IFT52: variants seen among roughly 807,000 people sequenced by gnomAD.
The protein encoded by IFT52 is intraflagellar transport 52.
IFT52 carries 44 observed loss-of-function variants against 54.4 expected under a neutral mutation model. The ratio of observed to expected loss-of-function variants is 0.81; its 90% CI spans 0.63 to 1.04. The LOEUF is 1.04. Among genes scored for constraint, IFT52 ranks in the 50% least tolerant of loss-of-function variants. The pLI is 0.00. For missense variants in IFT52, 452 were observed against 523.6 expected (o/e 0.86, Z 1.33); for synonymous variants, 181 against 185.3 (o/e 0.98, Z 0.19).
intron 13 of IFT52, among the ~76,000 whole-genome samples, chr20:43,646,705 CTGTT>C (rs758058541): frequency 2.0e-5 from 3 of 152,102 alleles, no homozygotes; most frequent in Admixed American, 6.6e-5. Context: ...GCTTTCAACT[CTGTT>C]TGTTACTCAT....
intron 12 of IFT52, among the ~76,000 whole-genome samples, chr20:43,637,737 TC>T (rs1295400497): frequency 6.6e-6 from 1 of 152,158 alleles, no homozygotes; most frequent in Non-Finnish European, 1.5e-5. Flanking sequence ...GTTGTTCTTC[TC>T]GAGGCTATTT....
intron 5 of IFT52, 28 bp downstream of exon 5, chr20:43,604,286 T>C: frequency 6.5e-7 from 1 of 1,527,716 alleles, no homozygotes; most frequent in Non-Finnish European, 9.1e-7. Flanking sequence ...AGAAATATCT[T>C]GGCAAGGCAT....
At position 43,646,934 on chromosome 20, in the gene IFT52, A is replaced by G. The variant is rs373679716; in HGVS notation, c.1267-2A>G. On this transcript the variant is annotated splice_acceptor_variant, in intron 13 of 13. Transcript: ENST00000373030. LOFTEE classifies it high-confidence loss of function. ...AATTCTGTGTCTTATTCTCTCATCCAGGAACATGACATCGATACAAGTGAA... is the reference window on the plus strand; with the variant it reads ...AATTCTGTGTCTTATTCTCTCATCCGGGAACATGACATCGATACAAGTGAA... The G allele has an allele frequency of 7.4e-6, 12 of 1,612,658 alleles. No homozygotes were observed. In the African/African-American group the frequency reaches 1.2e-4, roughly 16 times the overall value.
chr20:43,635,459 G>T (rs1396139791), intron 10 of IFT52, among the ~76,000 whole-genome samples: 1 of 152,012 alleles, frequency 6.6e-6, no homozygotes, highest in Non-Finnish European at 1.5e-5. Flanking sequence ...ACCACACCCG[G>T]CTAATTTTTG....
At chr20:43,603,689 G>A in intron 3 of IFT52, 71 bp from the exon 4 acceptor site, 1 of 1,347,130 alleles carries the variant, frequency 7.4e-7, no homozygotes, top group Non-Finnish European at 1.0e-6. Context: ...ATCTAGTTAA[G>A]GTCTTATTCA....
chr20:43,616,797 G>A (rs1015344325), intron 7 of IFT52, among the ~76,000 whole-genome samples: 1 of 152,060 alleles, frequency 6.6e-6, no homozygotes, highest in Non-Finnish European at 1.5e-5. Context: ...AAGGAGGTAG[G>A]ATCACTTGAG....
chr20:43,622,597 G>A (rs980455848), intron 9 of IFT52, among the ~76,000 whole-genome samples: 3 of 148,442 alleles, frequency 2.0e-5, no homozygotes, highest in African/African-American at 7.4e-5. Context: ...AGCGAGACTC[G>A]TCTCAAAAAA....
chr20:43,627,920 GAGTTT>G (rs1984854988), intron 10 of IFT52, among the ~76,000 whole-genome samples: 1 of 58,170 alleles, frequency 1.7e-5, no homozygotes, highest in Non-Finnish European at 3.0e-5. Flanking sequence ...GAGAGAGAGA[GAGTTT>G]TTTTTTTTTT....
At chr20:43,601,560 A>G (rs527708093) in intron 3 of IFT52, among the ~76,000 whole-genome samples, 2 of 152,224 alleles carry the variant, frequency 1.3e-5, no homozygotes, top group South Asian at 2.1e-4. Context: ...TTAAAATGCC[A>G]GATGGCCAAT....
chr20:43,646,248 T>C (rs916725865), intron 13 of IFT52, among the ~76,000 whole-genome samples: 1 of 152,162 alleles, frequency 6.6e-6, no homozygotes, highest in African/African-American at 2.4e-5. Flanking sequence ...TGTGTCACTT[T>C]TGCAGCAAAA....
intron 6 of IFT52, among the ~76,000 whole-genome samples, chr20:43,606,736 T>C (rs939362894): frequency 1.3e-4 from 20 of 152,176 alleles, no homozygotes; most frequent in Non-Finnish European, 2.5e-4. Flanking sequence ...CCCTGCAGCC[T>C]TCCGCAGTGT....
At chr20:43,623,835 G>A in intron 9 of IFT52, 56 bp from the exon 10 acceptor site, 1 of 1,568,590 alleles carries the variant, frequency 6.4e-7, no homozygotes. Flanking sequence ...GTGGAGACTT[G>A]ACAGAATAAA....
intron 12 of IFT52, among the ~76,000 whole-genome samples, chr20:43,641,736 C>T (rs566157985): frequency 4.0e-5 from 6 of 151,798 alleles, no homozygotes; most frequent in Admixed American, 1.3e-4. Flanking sequence ...CCTCGTGATC[C>T]GCTCACCTTG....
At chr20:43,596,091 A>T (rs1981934658) in intron 2 of IFT52, among the ~76,000 whole-genome samples, 1 of 152,246 alleles carries the variant, frequency 6.6e-6, no homozygotes, top group Non-Finnish European at 1.5e-5. Context: ...AAATGAGAAT[A>T]ACTTTGTGTA....
At chr20:43,596,548 A>G in intron 3 of IFT52, 26 bp downstream of exon 3, 1 of 1,420,302 alleles carries the variant, frequency 7.0e-7, no homozygotes, top group Non-Finnish European at 9.9e-7. Context: ...TAAAGAAGGA[A>G]TATGGTGAAA....
At chr20:43,639,624 C>T (rs987440192) in intron 12 of IFT52, among the ~76,000 whole-genome samples, 3 of 152,050 alleles carry the variant, frequency 2.0e-5, no homozygotes, top group African/African-American at 7.2e-5. Flanking sequence ...GAGCCGAGAT[C>T]GTGTCATTGC....
intron 7 of IFT52, among the ~76,000 whole-genome samples, chr20:43,615,993 G>C (rs1409307950): frequency 6.6e-6 from 1 of 152,056 alleles, no homozygotes; most frequent in Non-Finnish European, 1.5e-5. Context: ...TGCAGCATTT[G>C]CTTTTAACCT....
At chr20:43,595,041 C>T (rs564819944) in intron 2 of IFT52, among the ~76,000 whole-genome samples, 1 of 151,476 alleles carries the variant, frequency 6.6e-6, no homozygotes, top group Non-Finnish European at 1.5e-5. Context: ...GACTGGCCGG[C>T]ACGGTGGCTG....
At chr20:43,605,236 C>T (rs139335270) in intron 6 of IFT52, 163 bp downstream of exon 6, 3 of 1,414,384 alleles carry the variant, frequency 2.1e-6, no homozygotes, top group Admixed American at 3.0e-5. Flanking sequence ...TGCTCCTCCC[C>T]CTGAAGGTAG....
Sources: gnomAD v4.1 joint callset for allele counts (sites outside exome capture counted in the v4.1 genomes callset) on GRCh38, gnomAD v4.1.1 for gene constraint, MANE v1.5 for transcripts, NCBI Gene and HGNC (gene_info 2026-07-23, HGNC 2026-07-21) for gene names.